The following B9D1 variants were observed in gnomAD, a reference collection of about 807,000 sequenced individuals.
B9D1 encodes the protein B9 domain-containing protein 1.
Under a neutral mutation model 26.1 loss-of-function variants are expected in B9D1, and 20 were observed. That is an observed-to-expected ratio of 0.77 (90% CI 0.54 to 1.12). The LOEUF is 1.12. Among genes scored for constraint, B9D1 ranks in the 50% most tolerant of loss-of-function variants. The pLI, the probability that B9D1 is intolerant of heterozygous loss-of-function variation, is 0.00. For synonymous variants in B9D1, 105 were observed against 103.1 expected, an observed-to-expected ratio of 1.02 and a Z score of -0.11; for missense variants, 260 against 273.7, an observed-to-expected ratio of 0.95 and a Z score of 0.35.
Position 19,359,173 on chromosome 17 carries a change from G to A in B9D1, c.132+1147C>T, listed in dbSNP as rs1458966906. Among the ~76,000 whole-genome samples, 3 of 152,230 alleles carry A rather than the reference G, an allele frequency of 2.0e-5. No homozygotes were observed. The highest frequency in any genetic ancestry group is 1.3e-4 in the Admixed American group (2 of 15,280). ...CTTTCCCCCCGAGTCTATCCTTGTC[G>A]TAGAAGCCAGGGAATCTTCTAAAAA... On this transcript the variant is annotated intron_variant, in intron 2 of 6. Transcript: ENST00000261499. This position sits in a 1 kb window ranked among gnomAD's most constrained non-coding sequence, Gnocchi z 5.0.
chr17:19,352,187 G>T (rs550321033), intron 3 of B9D1, among the ~76,000 whole-genome samples: 1 of 152,168 alleles, frequency 6.6e-6, no homozygotes, highest in Non-Finnish European at 1.5e-5. Context: ...CACTTAGCCT[G>T]TTTTTTCATC....
chr17:19,349,106 C>G (rs1398696140), intron 3 of B9D1, among the ~76,000 whole-genome samples: 2 of 152,194 alleles, frequency 1.3e-5, no homozygotes. Context: ...GTCCTATCAG[C>G]CAGCACTCCC....
chr17:19,372,713 G>A lies in B9D1; in HGVS notation c.-298+5146C>T, dbSNP rs1447789431. Among the ~76,000 whole-genome samples the A allele has an allele frequency of 2.6e-5, 4 of 152,136 alleles. No homozygotes were observed. Among genetic ancestry groups the A allele is most frequent in the Admixed American group, 2.0e-4 (3 of 15,260 alleles). On this transcript the variant is annotated intron_variant, in intron 1 of 5. Coordinates refer to the B9D1 transcript ENST00000477478. The surrounding 1 kb of genome is among the most constrained non-coding windows in gnomAD (Gnocchi z 4.4). ...CAGCACAGACAAGAAAGGATGCCCCGGCCTCCATGTGACGGAGCTGGATTC... is the reference window on the plus strand; with the variant it reads ...CAGCACAGACAAGAAAGGATGCCCCAGCCTCCATGTGACGGAGCTGGATTC...
chr17:19,368,853 G>A (rs1309750503), intron 1 of B9D1, among the ~76,000 whole-genome samples: 6 of 152,058 alleles, frequency 3.9e-5, no homozygotes, highest in African/African-American at 1.4e-4. Context: ...AGGCTGAGGC[G>A]GGAGGAGCAC....
At chr17:19,360,938 G>A (rs1260448140) in intron 1 of B9D1, among the ~76,000 whole-genome samples, 10 of 152,124 alleles carry the variant, frequency 6.6e-5, no homozygotes, top group South Asian at 2.1e-4. Flanking sequence ...AGGAGCAGGC[G>A]AGCAAGCAAA....
chr17:19,339,843 A>G (rs538181988), downstream of B9D1, among the ~76,000 whole-genome samples: 1 of 152,342 alleles, frequency 6.6e-6, no homozygotes, highest in East Asian at 1.9e-4. Flanking sequence ...TGCTTTGGCT[A>G]GAACTACCCA....
intron 5 of B9D1, 130 bp from the exon 6 acceptor site, chr17:19,343,987 A>G: frequency 7.1e-7 from 1 of 1,402,266 alleles, no homozygotes; most frequent in Non-Finnish European, 9.7e-7. Flanking sequence ...CACCCCCACC[A>G]GGAGTCAGGC....
chr17:19,354,515 C>G (rs1910066308), intron 3 of B9D1, among the ~76,000 whole-genome samples: 1 of 152,212 alleles, frequency 6.6e-6, no homozygotes, highest in African/African-American at 2.4e-5. Context: ...ATGCATACAT[C>G]TGTGTACTAG....
At chr17:19,355,219 A>G (rs1910169785) in intron 3 of B9D1, among the ~76,000 whole-genome samples, 1 of 152,070 alleles carries the variant, frequency 6.6e-6, no homozygotes, top group South Asian at 2.1e-4. Context: ...TCAATTCTAG[A>G]ATTTCTATTA....
chr17:19,343,704 C>T (rs756790232), intron 6 of B9D1, 86 bp downstream of exon 6: 36 of 1,612,850 alleles, frequency 2.2e-5, no homozygotes, highest in African/African-American at 2.7e-5. Flanking sequence ...GGCAGGTCCC[C>T]GGCATTCACC....
intron 5 of B9D1, among the ~76,000 whole-genome samples, chr17:19,345,218 G>T (rs1159005011): frequency 6.6e-6 from 1 of 152,008 alleles, no homozygotes; most frequent in Non-Finnish European, 1.5e-5. Flanking sequence ...TAGATGGGAA[G>T]CAAGTGGGCA....
intron 5 of B9D1, chr17:19,346,892 A>G (rs1567886665): frequency 1.4e-6 from 2 of 1,421,220 alleles, no homozygotes; most frequent in East Asian, 2.6e-5. Context: ...AGAGACTCCC[A>G]CATGTAAAGG....
At chr17:19,364,282 G>A (rs1180644849), upstream of B9D1, among the ~76,000 whole-genome samples, 1 of 152,134 alleles carries the variant, frequency 6.6e-6, no homozygotes, top group Admixed American at 6.5e-5. The surrounding 1 kb of genome is among the most constrained non-coding windows in gnomAD (Gnocchi z 4.3). Context: ...AAATAAGCCC[G>A]ACCCCTGGGT....
At chr17:19,345,463 AACAGGGTC>A (rs1251669663) in intron 5 of B9D1, among the ~76,000 whole-genome samples, 4 of 152,134 alleles carry the variant, frequency 2.6e-5, no homozygotes, top group Admixed American at 1.3e-4. Context: ...CTTATTGAGA[AACAGGGTC>A]ACGTGCACTT....
At chr17:19,376,624 C>CG (rs1912125843) in intron 1 of B9D1, among the ~76,000 whole-genome samples, 1 of 48,956 alleles carries the variant, frequency 2.0e-5, no homozygotes, top group Non-Finnish European at 3.7e-5. Flanking sequence ...TACTAAAATA[C>CG]AAAAAAAAAA....
downstream of B9D1, chr17:19,337,827 C>T (rs1458944827): frequency 3.0e-6 from 3 of 1,015,290 alleles, no homozygotes; most frequent in Non-Finnish European, 3.0e-6. Context: ...GCCACTCACA[C>T]CAGTGCCAGA....
chr17:19,365,086 G>A (rs958124647), upstream of B9D1, among the ~76,000 whole-genome samples: 11 of 152,276 alleles, frequency 7.2e-5, no homozygotes, highest in Admixed American at 3.9e-4. This position sits in a 1 kb window ranked among gnomAD's most constrained non-coding sequence, Gnocchi z 5.0. Context: ...CCCCAGCAGA[G>A]CTGTCTCAGG....
intron 1 of B9D1, among the ~76,000 whole-genome samples, chr17:19,369,079 T>G (rs1678101619): frequency 6.6e-6 from 1 of 152,184 alleles, no homozygotes; most frequent in South Asian, 2.1e-4. Flanking sequence ...TTTTTTGTTC[T>G]TGAGAACTGC....
At chr17:19,335,049 C>CG (rs1467578444), downstream of B9D1, 1 of 172,864 alleles carries the variant, frequency 5.8e-6, no homozygotes, top group Non-Finnish European at 1.2e-5. Context: ...GGTTTTAACT[C>CG]TAAGAAAATT....
Sources: gnomAD v4.1 joint callset for allele counts (sites outside exome capture counted in the v4.1 genomes callset) on GRCh38, gnomAD v4.1.1 for gene constraint, Gnocchi (gnomAD v3.1) non-coding constraint, MANE v1.5 for transcripts, NCBI Gene and HGNC (gene_info 2026-07-23, HGNC 2026-07-21) for gene names.